The following MBNL2 variants were observed in gnomAD, a reference collection of about 807,000 sequenced individuals.
The protein encoded by MBNL2 is muscleblind like splicing regulator 2, also known as muscleblind-like protein 2.
Under a neutral mutation model 41.9 loss-of-function variants are expected in MBNL2, and 17 were observed. The observed-to-expected ratio is 0.41, with a 90% CI of 0.28 to 0.61. MBNL2 has a LOEUF of 0.61. Among genes scored for constraint, MBNL2 ranks in the 20% least tolerant of loss-of-function variants. The pLI, the probability that MBNL2 is intolerant of heterozygous loss-of-function variation, is 0.35. For missense variants in MBNL2, 336 were observed against 505.6 expected (o/e 0.66, Z 3.22); for synonymous variants, 195 against 182.9 (o/e 1.07, Z -0.53).
chr13:97,315,166 T>C (rs1440325914), intron 2 of MBNL2, among the ~76,000 whole-genome samples: 3 of 152,260 alleles, frequency 2.0e-5, no homozygotes, highest in African/African-American at 7.2e-5. Context: ...CTCCTATGTA[T>C]ACTTTGATTA....
chr13:97,161,763 T>C, the MBNL2 span, among the ~76,000 whole-genome samples: 1 of 152,290 alleles, frequency 6.6e-6, no homozygotes, highest in Admixed American at 6.5e-5. Flanking sequence ...AATGAGTGCT[T>C]GCCATGTCTT....
chr13:97,142,349 G>T, the MBNL2 span, among the ~76,000 whole-genome samples: 2 of 152,160 alleles, frequency 1.3e-5, no homozygotes, highest in Admixed American at 1.3e-4. Context: ...TTATTGAGAC[G>T]ATAGATTCAC....
the MBNL2 span, among the ~76,000 whole-genome samples, chr13:97,164,472 A>G: frequency 1.3e-5 from 2 of 152,228 alleles, no homozygotes; most frequent in Non-Finnish European, 1.5e-5. Context: ...GAATGAATAA[A>G]TCAATCAATG....
intron 1 of MBNL2, among the ~76,000 whole-genome samples, chr13:97,236,246 C>A (rs902180272): frequency 4.6e-5 from 7 of 152,148 alleles, no homozygotes; most frequent in Admixed American, 1.3e-4. Context: ...TTATTTTCCC[C>A]CTGCTTTGAA....
the MBNL2 span, among the ~76,000 whole-genome samples, chr13:97,203,028 C>T: frequency 6.6e-6 from 1 of 152,168 alleles, no homozygotes; most frequent in Non-Finnish European, 1.5e-5. Flanking sequence ...GCTTCTCTTT[C>T]TTCCTTTGGG....
intron 2 of MBNL2, among the ~76,000 whole-genome samples, chr13:97,286,455 G>A (rs148891512): frequency 3.9e-4 from 60 of 152,190 alleles, no homozygotes; most frequent in African/African-American, 1.3e-3. Flanking sequence ...AACCACCATC[G>A]TGTCTCACAT....
At chr13:97,255,514 G>A (rs1458330813) in intron 1 of MBNL2, among the ~76,000 whole-genome samples, 1 of 152,168 alleles carries the variant, frequency 6.6e-6, no homozygotes, top group Non-Finnish European at 1.5e-5. Context: ...GACAGGAATT[G>A]TGACTTACTC....
chr13:97,214,017 A>G, the MBNL2 span, among the ~76,000 whole-genome samples: 6 of 152,170 alleles, frequency 3.9e-5, no homozygotes, highest in African/African-American at 7.2e-5. Context: ...GACTCCTACA[A>G]TCTCACCACA....
chr13:97,379,856 A>G (rs753432824), intron 8 of MBNL2, among the ~76,000 whole-genome samples: 1 of 152,208 alleles, frequency 6.6e-6, no homozygotes, highest in Non-Finnish European at 1.5e-5. Context: ...AGTTAATGCC[A>G]CTGAACTGTA....
rs1186832697 is a variant in MBNL2 at position 97,392,698 on chromosome 13, GTTTAT to G, written c.*1254_*1258del. On this transcript the variant is annotated 3_prime_UTR_variant, in exon 9 of 9. Transcript: ENST00000679496. Reference sequence around the variant, plus strand: ...TTTTGTTCAGAAAGTTTGTTTTAAAGTTTATTTTAAGCACTATCGTACCAAATATT... The same window carrying G: ...TTTTGTTCAGAAAGTTTGTTTTAAAGTTTAAGCACTATCGTACCAAATATT... 1 of 152,300 alleles carries G rather than the reference GTTTAT, an allele frequency of 6.6e-6. No individual in the cohort carries two copies. The highest frequency in any genetic ancestry group is 1.5e-5 in the Non-Finnish European group (1 of 67,874). 9.4% of individuals were successfully genotyped at this position (152,300 alleles called of 1,614,324 possible).
intron 2 of MBNL2, among the ~76,000 whole-genome samples, chr13:97,296,520 T>C (rs2057036922): frequency 1.3e-5 from 2 of 152,140 alleles, no homozygotes; most frequent in African/African-American, 4.8e-5. Flanking sequence ...GAGCTAAGTG[T>C]GGTATGATGC....
chr13:97,170,295 G>T, the MBNL2 span, among the ~76,000 whole-genome samples: 1 of 152,152 alleles, frequency 6.6e-6, no homozygotes, highest in African/African-American at 2.4e-5. Flanking sequence ...CAGTCATTTT[G>T]CTAAGTGCTT....
chr13:97,374,355 G>A (rs1018135629), intron 8 of MBNL2, among the ~76,000 whole-genome samples: 2 of 150,408 alleles, frequency 1.3e-5, no homozygotes, highest in African/African-American at 4.9e-5. Flanking sequence ...CACCGTGTTA[G>A]CCAGGATGGT....
At chr13:97,222,658 G>C (rs1468825149) in intron 1 of MBNL2, 127 bp downstream of exon 1, 1 of 392,868 alleles carries the variant, frequency 2.5e-6, no homozygotes, top group Non-Finnish European at 4.5e-6. Context: ...ACTTGCGGGG[G>C]ACCCTGGAGT....
At chr13:97,274,244 T>C (rs111357905) in intron 1 of MBNL2, among the ~76,000 whole-genome samples, 5,033 of 152,144 alleles carry the variant, frequency 0.033, 100 homozygotes, top group Middle Eastern at 0.082. Context: ...ATCCCAGCAC[T>C]TTGGAAGGTT....
chr13:97,334,175 C>CAG lies in MBNL2; in HGVS notation c.175-100_175-99dup. Reference sequence around the variant, plus strand: ...ACACACACACACACACACACACACACAGGATCCTTGCTTTTGTGCATAAGA... The same window carrying CAG: ...ACACACACACACACACACACACACACAGAGGATCCTTGCTTTTGTGCATAAGA... On this transcript the variant is annotated intron_variant, in intron 2 of 8. Transcript: ENST00000679496. This position sits in a 1 kb window ranked among gnomAD's most constrained non-coding sequence, Gnocchi z 5.3. The CAG allele has an allele frequency of 2.3e-6, 2 of 879,230 alleles. No homozygotes were observed. Among genetic ancestry groups the CAG allele is most frequent in the South Asian group, 1.7e-5 (1 of 58,278 alleles). The allele number at this position is 879,230 out of a possible 1,614,324, so 54.5% of individuals were successfully genotyped here. A position where few individuals can be genotyped will look rare whatever the true frequency, so the allele number is the denominator to read the frequency against.
chr13:97,154,516 A>G, the MBNL2 span, among the ~76,000 whole-genome samples: 1 of 152,006 alleles, frequency 6.6e-6, no homozygotes, highest in East Asian at 1.9e-4. Flanking sequence ...GGGTTTTGGC[A>G]TGTTAACCAG....
chr13:97,190,770 T>C, the MBNL2 span, among the ~76,000 whole-genome samples: 1 of 152,168 alleles, frequency 6.6e-6, no homozygotes, highest in Admixed American at 6.5e-5. Flanking sequence ...AGTTATCCTC[T>C]CCTCTGAATT....
the MBNL2 span, among the ~76,000 whole-genome samples, chr13:97,183,804 A>G: frequency 6.6e-6 from 1 of 152,214 alleles, no homozygotes; most frequent in South Asian, 2.1e-4. Context: ...TTATTGTTCC[A>G]CTTCCTCTGG....
Sources: gnomAD v4.1 joint callset for allele counts (sites outside exome capture counted in the v4.1 genomes callset) on GRCh38, gnomAD v4.1.1 for gene constraint, Gnocchi (gnomAD v3.1) non-coding constraint, MANE v1.5 for transcripts, NCBI Gene and HGNC (gene_info 2026-07-23, HGNC 2026-07-21) for gene names.